MECOM: variants seen among roughly 807,000 people sequenced by gnomAD.
MECOM encodes the protein histone-lysine N-methyltransferase MECOM.
In MECOM, 13 loss-of-function variants were observed where a neutral mutation model predicts 116.3. The observed-to-expected ratio is 0.11, with a 90% CI of 0.07 to 0.18. The LOEUF (loss-of-function observed/expected upper bound fraction) is 0.18, where lower values mean the gene tolerates loss of function less well. Ranked by LOEUF, MECOM falls within the 10% of genes least tolerant of loss-of-function variation. The probability of loss-of-function intolerance (pLI) is 1.00; values close to 1 mark genes in which losing one functional copy is unlikely to be tolerated. For missense variants in MECOM, 1,299 were observed against 1,509.0 expected (o/e 0.86, Z 2.31); for synonymous variants, 528 against 535.2 (o/e 0.99, Z 0.19).
chr3:169,601,573 A>G (rs1362166321), intron 1 of MECOM, among the ~76,000 whole-genome samples: 1 of 152,168 alleles, frequency 6.6e-6, no homozygotes, highest in Non-Finnish European at 1.5e-5. Context: ...CTTTACTGCT[A>G]AACTCTCTCA....
chr3:169,250,943 T>C (rs989508971), intron 2 of MECOM, among the ~76,000 whole-genome samples: 1 of 152,210 alleles, frequency 6.6e-6, no homozygotes, highest in African/African-American at 2.4e-5. Flanking sequence ...AAGATTCATC[T>C]CTACGATAAT....
Position 169,115,409 on chromosome 3 carries a change from A to G in MECOM, c.2463T>C (p.Thr821=). The G allele has an allele frequency of 6.2e-7, 1 of 1,614,110 alleles. No homozygotes were observed. Among genetic ancestry groups the G allele is most frequent in the Non-Finnish European group, 8.5e-7 (1 of 1,179,994 alleles). ...SDGSLQHARP[T]PFFMDPIYRV... is the part of the protein sequence containing the mutation. Reference sequence around the variant, plus strand: ...TGTAAATAGGGTCCATAAAGAAAGGAGTGGGTCTTGCATGCTGCAAGGAAC... The same window carrying G: ...TGTAAATAGGGTCCATAAAGAAAGGGGTGGGTCTTGCATGCTGCAAGGAAC... Residue 821 remains threonine, a synonymous_variant, in exon 8 of 17, where the codon ACT becomes ACC. Transcript: ENST00000651503.
intron 1 of MECOM, among the ~76,000 whole-genome samples, chr3:169,596,292 G>T (rs117085586): frequency 6.6e-6 from 1 of 152,156 alleles, no homozygotes; most frequent in Non-Finnish European, 1.5e-5. Flanking sequence ...GGGGCATATT[G>T]GATGAGCACA....
At chr3:169,485,394 C>T (rs1389013270) in intron 1 of MECOM, among the ~76,000 whole-genome samples, 1 of 152,088 alleles carries the variant, frequency 6.6e-6, no homozygotes, top group East Asian at 1.9e-4. Flanking sequence ...TTGTAGTCAA[C>T]AAAATAGTTT....
At chr3:169,404,626 T>C (rs1736391149) in intron 1 of MECOM, among the ~76,000 whole-genome samples, 1 of 152,196 alleles carries the variant, frequency 6.6e-6, no homozygotes, top group South Asian at 2.1e-4. Flanking sequence ...GGCCAGTTCC[T>C]CTGAAGCCTC....
chr3:169,152,499 C>G (rs1387748835), intron 2 of MECOM, among the ~76,000 whole-genome samples: 1 of 152,066 alleles, frequency 6.6e-6, no homozygotes, highest in South Asian at 2.1e-4. Flanking sequence ...TGCAGTGGCT[C>G]GAGGATTCAG....
At chr3:169,377,361 A>G (rs1351941918) in intron 2 of MECOM, among the ~76,000 whole-genome samples, 1 of 152,238 alleles carries the variant, frequency 6.6e-6, no homozygotes, top group Non-Finnish European at 1.5e-5. Flanking sequence ...ACAGCAAAAG[A>G]AACTATCATT....
At chr3:169,557,267 A>G (rs1762149468) in intron 1 of MECOM, among the ~76,000 whole-genome samples, 1 of 152,186 alleles carries the variant, frequency 6.6e-6, no homozygotes, top group East Asian at 1.9e-4. Context: ...AGCAGTTTTT[A>G]AGGCCACTAA....
At chr3:169,588,013 A>G (rs1179278753) in intron 1 of MECOM, among the ~76,000 whole-genome samples, 1 of 152,218 alleles carries the variant, frequency 6.6e-6, no homozygotes, top group Non-Finnish European at 1.5e-5. Context: ...CATAATAATT[A>G]AAATTGTTTA....
intron 1 of MECOM, among the ~76,000 whole-genome samples, chr3:169,655,490 C>T (rs1351490600): frequency 6.6e-6 from 1 of 152,154 alleles, no homozygotes; most frequent in Non-Finnish European, 1.5e-5. Flanking sequence ...TAAATTAGGG[C>T]TGTGTGGCTA....
chr3:169,595,407 T>A (rs1276700856), intron 1 of MECOM, among the ~76,000 whole-genome samples: 3 of 152,186 alleles, frequency 2.0e-5, no homozygotes, highest in Non-Finnish European at 4.4e-5. Flanking sequence ...AAATGCCCCA[T>A]TAAAGTTAAA....
chr3:169,381,648 C>G, intron 1 of MECOM, 124 bp from the exon 2 acceptor site: 1 of 736,596 alleles, frequency 1.4e-6, no homozygotes, highest in Non-Finnish European at 2.1e-6. Flanking sequence ...TTACGATGTG[C>G]CTTCATTAAA....
chr3:169,507,650 C>CTTTTTTTTTTTTTTTTTTTTTT lies in MECOM; in HGVS notation c.38-126148_38-126127dup, dbSNP rs1165167849. ...CAATTTTGGTTTAAATCCCCACTTG[C>CTTTTTTTTTTTTTTTTTTTTTT]TTTTTTTTTTTTTTTTTTTTTTTTT... On this transcript the variant is annotated intron_variant, in intron 1 of 16. Transcript: ENST00000651503. 1.5e-3 allele frequency among the ~76,000 whole-genome samples: 84 copies of CTTTTTTTTTTTTTTTTTTTTTT among 57,140 alleles called. 20 individuals are homozygous for CTTTTTTTTTTTTTTTTTTTTTT. Among genetic ancestry groups the CTTTTTTTTTTTTTTTTTTTTTT allele is most frequent in the African/African-American group, 2.9e-3 (36 of 12,234 alleles). 37.5% of individuals were successfully genotyped at this position (57,140 alleles called of 152,430 possible). A position where few individuals can be genotyped will look rare whatever the true frequency, so the allele number is the denominator to read the frequency against.
chr3:169,131,605 TACACTAAGATACCTGTACAA>T (rs1734739438), intron 3 of MECOM, 74 bp from the exon 4 acceptor site: 7 of 1,099,242 alleles, frequency 6.4e-6, no homozygotes, highest in Middle Eastern at 2.8e-4. Flanking sequence ...GGGCAAGATA[TACACTAAGATACCTGTACAA>T]ACACCTTAAC....
chr3:169,562,139 C>CAAAAAAAAAAAAAAAAGA (rs1762707779), intron 1 of MECOM, among the ~76,000 whole-genome samples: 1 of 25,282 alleles, frequency 4.0e-5, no homozygotes, highest in Non-Finnish European at 7.7e-5. Flanking sequence ...GAGCAATACT[C>CAAAAAAAAAAAAAAAAGA]AAAAAAAAAA....
At chr3:169,240,518 T>A (rs1187705979) in intron 2 of MECOM, among the ~76,000 whole-genome samples, 1 of 152,252 alleles carries the variant, frequency 6.6e-6, no homozygotes, top group Admixed American at 6.5e-5. Context: ...GGATGAAGAA[T>A]GGCTTGTTAT....
intron 1 of MECOM, among the ~76,000 whole-genome samples, chr3:169,453,932 T>C (rs1746028510): frequency 6.6e-6 from 1 of 151,874 alleles, no homozygotes; most frequent in Admixed American, 6.6e-5. Flanking sequence ...AAAAAAAAAC[T>C]CTGTTATCAG....
intron 2 of MECOM, among the ~76,000 whole-genome samples, chr3:169,254,514 T>C (rs898110455): frequency 9.2e-5 from 14 of 152,160 alleles, no homozygotes; most frequent in African/African-American, 3.4e-4. Context: ...TTCTAGTGAT[T>C]TTTACTATCT....
chr3:169,203,517 T>A (rs1749482540), intron 2 of MECOM, among the ~76,000 whole-genome samples: 2 of 152,148 alleles, frequency 1.3e-5, no homozygotes, highest in Admixed American at 1.3e-4. Context: ...GAGGTAACAA[T>A]ATAATAATGC....
Sources: gnomAD v4.1 joint callset for allele counts (sites outside exome capture counted in the v4.1 genomes callset) on GRCh38, gnomAD v4.1.1 for gene constraint, MANE v1.5 for transcripts, NCBI Gene and HGNC (gene_info 2026-07-23, HGNC 2026-07-21) for gene names.